The following LIN28B variants were observed in gnomAD, a reference collection of about 807,000 sequenced individuals.
The protein encoded by LIN28B is lin-28 RNA binding posttranscriptional regulator B.
LIN28B carries 5 observed loss-of-function variants against 21.9 expected under a neutral mutation model. That is an observed-to-expected ratio of 0.23 (90% CI 0.12 to 0.48). LIN28B has a LOEUF of 0.48. Ranked by LOEUF, LIN28B falls within the 20% of genes least tolerant of loss-of-function variation. The pLI, the probability that LIN28B is intolerant of heterozygous loss-of-function variation, is 0.98. For missense variants in LIN28B, 245 were observed against 310.5 expected (o/e 0.79, Z 1.58); for synonymous variants, 109 against 111.3 (o/e 0.98, Z 0.13).
At chr6:104,997,886 G>C (rs1770644763) in intron 2 of LIN28B, among the ~76,000 whole-genome samples, 1 of 151,972 alleles carries the variant, frequency 6.6e-6, no homozygotes, top group Non-Finnish European at 1.5e-5. Context: ...TTATTCCCTT[G>C]TGCCTTTTTG....
At chr6:105,020,107 CTT>C (rs1158938023) in intron 2 of LIN28B, among the ~76,000 whole-genome samples, 7,227 of 86,944 alleles carry the variant, frequency 0.083, 70 homozygotes, top group Middle Eastern at 0.15. Flanking sequence ...TCCTGTTATT[CTT>C]TTTTTTTTTT....
intron 3 of LIN28B, among the ~76,000 whole-genome samples, chr6:105,062,315 T>C (rs1362228459): frequency 2.0e-5 from 3 of 152,160 alleles, no homozygotes; most frequent in Non-Finnish European, 2.9e-5. Context: ...TCTGTTTTGT[T>C]TTGTTTTTGA....
At chr6:105,043,704 C>A (rs944745008) in intron 3 of LIN28B, among the ~76,000 whole-genome samples, 1 of 151,806 alleles carries the variant, frequency 6.6e-6, no homozygotes, top group Admixed American at 6.6e-5. Flanking sequence ...GCCTGAGCCA[C>A]TTATGTAGCT....
intron 2 of LIN28B, among the ~76,000 whole-genome samples, chr6:104,991,260 G>T (rs1307679651): frequency 6.6e-6 from 1 of 151,934 alleles, no homozygotes; most frequent in East Asian, 2.0e-4. Context: ...CCCGGACGGG[G>T]TGGCTGCCGG....
intron 2 of LIN28B, among the ~76,000 whole-genome samples, chr6:104,987,875 C>T (rs527263523): frequency 5.7e-4 from 86 of 152,206 alleles, no homozygotes; most frequent in African/African-American, 2.0e-3. Flanking sequence ...TTCCGAGTAG[C>T]TGGGATTACA....
chr6:105,024,238 C>T (rs370744840), intron 2 of LIN28B, among the ~76,000 whole-genome samples: 2 of 152,162 alleles, frequency 1.3e-5, no homozygotes, highest in African/African-American at 4.8e-5. Flanking sequence ...GTGATCTGCC[C>T]GCCTTGGCCT....
chr6:105,046,419 A>T (rs915358274), intron 3 of LIN28B, among the ~76,000 whole-genome samples: 1 of 152,170 alleles, frequency 6.6e-6, no homozygotes, highest in African/African-American at 2.4e-5. Flanking sequence ...TCTATCATTG[A>T]TGGACATTCG....
chr6:104,978,047 G>C (rs1190094013), intron 2 of LIN28B, among the ~76,000 whole-genome samples: 1 of 152,158 alleles, frequency 6.6e-6, no homozygotes, highest in Non-Finnish European at 1.5e-5. Context: ...AGAAAACCAA[G>C]TGTTTAACCT....
intron 3 of LIN28B, among the ~76,000 whole-genome samples, chr6:105,031,041 G>GC (rs1483924165): frequency 1.3e-5 from 2 of 151,890 alleles, no homozygotes; most frequent in African/African-American, 4.8e-5. Flanking sequence ...AAACATGTAT[G>GC]CCCACCTTAC....
At chr6:105,006,512 A>G (rs1271670877) in intron 2 of LIN28B, among the ~76,000 whole-genome samples, 1 of 152,122 alleles carries the variant, frequency 6.6e-6, no homozygotes, top group African/African-American at 2.4e-5. Flanking sequence ...GGATTTCACC[A>G]TGTTGGTCAG....
At chr6:104,996,240 T>C (rs79840416) in intron 2 of LIN28B, among the ~76,000 whole-genome samples, 15,358 of 152,174 alleles carry the variant, frequency 0.1, 829 homozygotes, top group African/African-American at 0.12. Context: ...ACAATTCTTA[T>C]CTAGAAAGAG....
At chr6:104,989,559 A>G (rs1234050120) in intron 2 of LIN28B, among the ~76,000 whole-genome samples, 1 of 36,862 alleles carries the variant, frequency 2.7e-5, no homozygotes, top group South Asian at 7.8e-4. Flanking sequence ...CTGAAACTTT[A>G]TTTTTATTTT....
intron 2 of LIN28B, among the ~76,000 whole-genome samples, chr6:105,015,643 TTA>T (rs1771012560): frequency 6.6e-6 from 1 of 152,230 alleles, no homozygotes; most frequent in Non-Finnish European, 1.5e-5. Context: ...TATGATATTT[TTA>T]AAATTCCATT....
intron 3 of LIN28B, among the ~76,000 whole-genome samples, chr6:105,028,384 G>A (rs898386488): frequency 6.6e-6 from 1 of 152,182 alleles, no homozygotes; most frequent in Non-Finnish European, 1.5e-5. Flanking sequence ...ACAGCACAAT[G>A]TGGAGAGGCA....
chr6:105,025,190 A>G (rs1001277508), intron 2 of LIN28B, among the ~76,000 whole-genome samples: 2 of 152,340 alleles, frequency 1.3e-5, no homozygotes, highest in East Asian at 3.9e-4. Flanking sequence ...ACTTGAACTA[A>G]GGACTTCTAC....
chr6:104,937,423 C>T (rs1778023231), intron 2 of LIN28B, among the ~76,000 whole-genome samples: 1 of 152,112 alleles, frequency 6.6e-6, no homozygotes, highest in Non-Finnish European at 1.5e-5. Flanking sequence ...TACAGGCGCC[C>T]GCCACCAAGC....
chr6:105,001,186 G>T (rs922135934), intron 2 of LIN28B, among the ~76,000 whole-genome samples: 6 of 152,164 alleles, frequency 3.9e-5, no homozygotes, highest in African/African-American at 1.4e-4. Context: ...GTCTGTGGTA[G>T]CTTTGACCCT....
chr6:104,994,528 T>C (rs1198125003), intron 2 of LIN28B, among the ~76,000 whole-genome samples: 1 of 152,196 alleles, frequency 6.6e-6, no homozygotes, highest in African/African-American at 2.4e-5. Flanking sequence ...TATAAATCGT[T>C]CATAAAAGTG....
At chr6:104,979,186 G>C (rs1053001123) in intron 2 of LIN28B, among the ~76,000 whole-genome samples, 1 of 151,596 alleles carries the variant, frequency 6.6e-6, no homozygotes, top group Non-Finnish European at 1.5e-5. Context: ...AGAATATAAA[G>C]ATGATTTTTA....
Sources: allele counts gnomAD v4.1 joint callset (sites outside exome capture counted in the v4.1 genomes callset), GRCh38; gene constraint gnomAD v4.1.1; transcripts MANE v1.5; gene names NCBI Gene and HGNC (gene_info 2026-07-23, HGNC 2026-07-21).